Variants in CDK14 observed in about 807,000 individuals in gnomAD.
CDK14 encodes cyclin-dependent kinase 14.
In CDK14, 34 loss-of-function variants were observed where a neutral mutation model predicts 60.7. The ratio of observed to expected loss-of-function variants is 0.56; its 90% confidence interval spans 0.43 to 0.75. The LOEUF (loss-of-function observed/expected upper bound fraction) is 0.75, where lower values mean the gene tolerates loss of function less well. Ranked by LOEUF, CDK14 falls within the 30% of genes least tolerant of loss-of-function variation. The pLI is 0.00. For missense variants in CDK14, 482 were observed against 564.1 expected (o/e 0.85, Z 1.47); for synonymous variants, 197 against 203.7 (o/e 0.97, Z 0.28).
Position 91,007,262 on chromosome 7 carries a change from C to T in CDK14, c.1041+23021C>T, listed in dbSNP as rs150240883. ...ACTTGAGTTAACATTTTTGTTCAAC[C>T]GTGATTTGCTTTCCTAAGACACAAT... On this transcript the variant is annotated intron_variant, in intron 10 of 14. Coordinates refer to ENST00000380050, the MANE Select transcript of CDK14 (RefSeq NM_001287135.2). Among the ~76,000 whole-genome samples the T allele has an allele frequency of 1.9e-3, 284 of 152,246 alleles. 2 individuals are homozygous for T. The highest frequency in any genetic ancestry group is 6.8e-3 in the Middle Eastern group (2 of 294).
At chr7:90,742,697 T>C (rs991998396) in intron 3 of CDK14, among the ~76,000 whole-genome samples, 1 of 152,060 alleles carries the variant, frequency 6.6e-6, no homozygotes, top group Non-Finnish European at 1.5e-5. Context: ...TTTTCTTTTA[T>C]GTATTGGTTT....
At chr7:90,834,127 T>C (rs1790011644) in intron 5 of CDK14, among the ~76,000 whole-genome samples, 1 of 152,168 alleles carries the variant, frequency 6.6e-6, no homozygotes, top group African/African-American at 2.4e-5. Flanking sequence ...TGAAACTTTA[T>C]TGTAAGGACA....
chr7:90,901,377 C>T (rs1057141073), intron 7 of CDK14, among the ~76,000 whole-genome samples: 1 of 152,106 alleles, frequency 6.6e-6, no homozygotes. Flanking sequence ...ACTTTTCCTA[C>T]TTGGAAGTTG....
At chr7:90,791,676 T>C (rs886233718) in intron 5 of CDK14, among the ~76,000 whole-genome samples, 3 of 152,220 alleles carry the variant, frequency 2.0e-5, no homozygotes, top group African/African-American at 7.2e-5. Context: ...TTTAATTTTG[T>C]TTCCATCATT....
chr7:90,925,611 C>T (rs1444112553), intron 8 of CDK14, among the ~76,000 whole-genome samples: 1 of 152,160 alleles, frequency 6.6e-6, no homozygotes, highest in Non-Finnish European at 1.5e-5. Flanking sequence ...CCTGTGGTTC[C>T]AGCTACTTGG....
intron 9 of CDK14, among the ~76,000 whole-genome samples, chr7:90,978,898 T>C (rs1242761369): frequency 1.3e-5 from 2 of 152,296 alleles, no homozygotes; most frequent in Admixed American, 6.5e-5. Flanking sequence ...AATCATGATA[T>C]ATTATACTTT....
chr7:91,159,835 T>C (rs2115736358), intron 14 of CDK14, among the ~76,000 whole-genome samples: 1 of 152,192 alleles, frequency 6.6e-6, no homozygotes, highest in East Asian at 1.9e-4. Context: ...ATGGTGGTGT[T>C]TATGGGACAC....
At chr7:90,858,666 T>C (rs953467431) in intron 5 of CDK14, among the ~76,000 whole-genome samples, 1 of 152,222 alleles carries the variant, frequency 6.6e-6, no homozygotes, top group Admixed American at 6.5e-5. Context: ...CTAGGTGTTA[T>C]GTACCATACC....
chr7:91,096,077 A>AAAAAC (rs1483073181), intron 12 of CDK14, among the ~76,000 whole-genome samples: 2 of 150,458 alleles, frequency 1.3e-5, no homozygotes, highest in Non-Finnish European at 3.0e-5. Context: ...AAAAAAAAAA[A>AAAAAC]AAAAAAAAAA....
intron 12 of CDK14, among the ~76,000 whole-genome samples, chr7:91,108,162 G>T (rs1168539999): frequency 6.6e-6 from 1 of 152,152 alleles, no homozygotes; most frequent in African/African-American, 2.4e-5. Context: ...ACAAAAATTA[G>T]CCAGGCATGG....
chr7:90,620,232 TAACTC>T (rs1447833329), intron 2 of CDK14, among the ~76,000 whole-genome samples: 1 of 152,216 alleles, frequency 6.6e-6, no homozygotes, highest in Non-Finnish European at 1.5e-5. Flanking sequence ...CAGGAATTAT[TAACTC>T]AACAAATTAT....
intron 5 of CDK14, among the ~76,000 whole-genome samples, chr7:90,809,868 A>G (rs185451416): frequency 0.014 from 2,126 of 152,324 alleles, 29 homozygotes; most frequent in South Asian, 0.081. Context: ...TAGAAAATCT[A>G]GAGGAAATGG....
chr7:91,009,045 A>G (rs1425089333), intron 10 of CDK14, among the ~76,000 whole-genome samples: 10 of 151,704 alleles, frequency 6.6e-5, no homozygotes, highest in Admixed American at 6.6e-4. Flanking sequence ...CCAAGCGACT[A>G]CTGATCTGTC....
rs1792567157 is a variant in CDK14 at position 90,903,030 on chromosome 7, A to G, written c.702+3677A>G. Among the ~76,000 whole-genome samples, 3 of 152,292 alleles carry G rather than the reference A, an allele frequency of 2.0e-5. No homozygotes were observed. In the South Asian group the frequency reaches 6.2e-4, roughly 32 times the overall value. On this transcript the variant is annotated intron_variant, in intron 7 of 14. Transcript: ENST00000380050. Reference sequence around the variant, plus strand: ...TCAGAGAAGTAAAAATCAAAACCACAGTGAAATTCCATCTTACCCCAGTTA... The same window carrying G: ...TCAGAGAAGTAAAAATCAAAACCACGGTGAAATTCCATCTTACCCCAGTTA...
At chr7:91,101,235 CTT>C (rs1259256700) in intron 12 of CDK14, among the ~76,000 whole-genome samples, 1 of 152,180 alleles carries the variant, frequency 6.6e-6, no homozygotes, top group Non-Finnish European at 1.5e-5. Context: ...AGCAATAACT[CTT>C]TGGCATGGCA....
chr7:90,720,988 T>G (rs1208006892), intron 2 of CDK14, among the ~76,000 whole-genome samples: 1 of 152,208 alleles, frequency 6.6e-6, no homozygotes, highest in African/African-American at 2.4e-5. Context: ...TCATATGTAT[T>G]ATTAAAATTT....
chr7:90,834,670 A>G (rs1790032757), intron 5 of CDK14, among the ~76,000 whole-genome samples: 1 of 152,186 alleles, frequency 6.6e-6, no homozygotes, highest in Non-Finnish European at 1.5e-5. Context: ...TTTTGATGGT[A>G]CTGCTAATGG....
chr7:91,030,222 G>T (rs1413599759), intron 10 of CDK14, among the ~76,000 whole-genome samples: 1 of 152,060 alleles, frequency 6.6e-6, no homozygotes. Flanking sequence ...GAACTATTTT[G>T]ACCCAAATTT....
chr7:90,622,723 C>T (rs527903990), intron 2 of CDK14, among the ~76,000 whole-genome samples: 8 of 148,948 alleles, frequency 5.4e-5, no homozygotes, highest in Non-Finnish European at 5.9e-5. Flanking sequence ...TTTTCCAAAA[C>T]ATCCTAAGCG....
Sources: gnomAD v4.1 joint callset for allele counts (sites outside exome capture counted in the v4.1 genomes callset) on GRCh38, gnomAD v4.1.1 for gene constraint, MANE v1.5 for transcripts, NCBI Gene and HGNC (gene_info 2026-07-23, HGNC 2026-07-21) for gene names.